Variants in EML5 observed in about 807,000 individuals in gnomAD.
EML5 encodes echinoderm microtubule-associated protein-like 5.
EML5 carries 120 observed loss-of-function variants against 250.0 expected under a neutral mutation model. The ratio of observed to expected loss-of-function variants is 0.48; its 90% CI spans 0.41 to 0.56. The LOEUF (loss-of-function observed/expected upper bound fraction) is 0.56. Among genes scored for constraint, EML5 ranks in the 20% least tolerant of loss-of-function variants. EML5 has a pLI of 0.00. For synonymous variants in EML5, 771 were observed against 806.5 expected (o/e 0.96, Z 0.75); for missense variants, 2,006 against 2,437.6 (o/e 0.82, Z 3.73).
intron 7 of EML5, among the ~76,000 whole-genome samples, chr14:88,729,737 T>C (rs2093724216): frequency 6.6e-6 from 1 of 152,094 alleles, no homozygotes; most frequent in South Asian, 2.1e-4. Flanking sequence ...ATTTTTGTAT[T>C]TTTAGTAGAG....
chr14:88,710,838 T>G (rs560001744), intron 10 of EML5, among the ~76,000 whole-genome samples: 1 of 152,340 alleles, frequency 6.6e-6, no homozygotes, highest in African/African-American at 2.4e-5. Flanking sequence ...TTTCTTAGGC[T>G]TTGGTAAAAT....
intron 17 of EML5, among the ~76,000 whole-genome samples, chr14:88,692,421 CT>C (rs974565549): frequency 3.9e-5 from 6 of 152,240 alleles, no homozygotes; most frequent in African/African-American, 1.2e-4. Flanking sequence ...TACATACAGA[CT>C]TTTTTTCCTT....
intron 1 of EML5, among the ~76,000 whole-genome samples, chr14:88,780,798 C>T (rs970783650): frequency 4.6e-5 from 7 of 152,254 alleles, no homozygotes; most frequent in Middle Eastern, 3.4e-3. Flanking sequence ...TGGTCTCGAT[C>T]TCTTGACCTC....
chr14:88,764,929 T>C (rs1212762444), intron 1 of EML5, among the ~76,000 whole-genome samples: 1 of 152,226 alleles, frequency 6.6e-6, no homozygotes, highest in Non-Finnish European at 1.5e-5. Context: ...ATATATAGCC[T>C]ATTTTGGTAA....
chr14:88,697,963 C>G (rs146908042), intron 14 of EML5, among the ~76,000 whole-genome samples: 2,364 of 152,122 alleles, frequency 0.016, 20 homozygotes, highest in Middle Eastern at 0.048. Flanking sequence ...TCTCAAACTC[C>G]CGACCTCAGG....
intron 13 of EML5, 101 bp downstream of exon 13, chr14:88,704,759 T>C (rs978058380): frequency 2.1e-5 from 17 of 799,668 alleles, no homozygotes; most frequent in South Asian, 1.2e-4. Flanking sequence ...CTTTCGGATA[T>C]GTCATTTCAG....
chr14:88,781,843 C>G (rs1051289787), intron 1 of EML5, among the ~76,000 whole-genome samples: 1 of 152,222 alleles, frequency 6.6e-6, no homozygotes, highest in South Asian at 2.1e-4. Flanking sequence ...GTCAATTAAA[C>G]CTCTTTCCTT....
intron 5 of EML5, among the ~76,000 whole-genome samples, chr14:88,739,335 G>A (rs1019607170): frequency 2.0e-5 from 3 of 152,106 alleles, no homozygotes; most frequent in Admixed American, 1.3e-4. Flanking sequence ...CCATAGATAG[G>A]GAGGGCTTTA....
chr14:88,665,191 G>C, intron 22 of EML5, 146 bp downstream of exon 22: 1 of 817,440 alleles, frequency 1.2e-6, no homozygotes, highest in Non-Finnish European at 1.8e-6. Flanking sequence ...TCTAACAACA[G>C]GGCTTTTACC....
chr14:88,620,661 G>A lies in EML5; in HGVS notation c.5375+93C>T, dbSNP rs1159952756. ...ATACGGGAAATGCTACAGGCCCTGG[G>A]GACCTCTTTTTGAAGGCAAGGCTAT... On this transcript the variant is annotated intron_variant, in intron 39 of 43. Transcript: ENST00000554922. The surrounding 1 kb of genome is among the most constrained non-coding windows in gnomAD (Gnocchi z 4.3). 2.9e-6 allele frequency: 3 copies of A among 1,048,372 alleles called. No individual in the cohort carries two copies. Among genetic ancestry groups the A allele is most frequent in the South Asian group, 2.3e-5 (1 of 42,760 alleles). 64.9% of individuals were successfully genotyped at this position (1,048,372 alleles called of 1,614,324 possible).
intron 8 of EML5, among the ~76,000 whole-genome samples, chr14:88,724,114 C>A (rs1443377729): frequency 7.6e-5 from 11 of 145,216 alleles, no homozygotes; most frequent in Admixed American, 1.4e-4. Context: ...ACTAAAAATA[C>A]AAAAAAAAAA....
intron 1 of EML5, among the ~76,000 whole-genome samples, chr14:88,773,944 C>T (rs1178533938): frequency 2.6e-5 from 4 of 152,034 alleles, no homozygotes; most frequent in Non-Finnish European, 5.9e-5. Flanking sequence ...CATGGTAAAA[C>T]CCCACCTCTA....
intron 1 of EML5, among the ~76,000 whole-genome samples, chr14:88,772,525 C>T (rs887394673): frequency 2.0e-5 from 3 of 152,172 alleles, no homozygotes; most frequent in African/African-American, 7.2e-5. Flanking sequence ...GAGGCTGAGG[C>T]AGGCAGATCA....
intron 21 of EML5, among the ~76,000 whole-genome samples, chr14:88,670,681 A>G (rs527957265): frequency 1.9e-4 from 29 of 152,330 alleles, no homozygotes; most frequent in African/African-American, 6.7e-4. Context: ...ATAAAACATT[A>G]CAGGAGCTGT....
intron 7 of EML5, 68 bp downstream of exon 7, chr14:88,736,296 G>T: frequency 6.4e-7 from 1 of 1,556,966 alleles, no homozygotes; most frequent in Non-Finnish European, 8.8e-7. Context: ...ACAGTGCCTG[G>T]CCATGTTTTC....
At chr14:88,627,103 C>T (rs2090030685) in intron 34 of EML5, 57 bp from the exon 35 acceptor site, 1 of 1,552,924 alleles carries the variant, frequency 6.4e-7, no homozygotes, top group African/African-American at 1.4e-5. Flanking sequence ...TAATCAACAG[C>T]ATCAAACAAA....
intron 1 of EML5, among the ~76,000 whole-genome samples, chr14:88,764,151 C>T (rs2094288969): frequency 6.6e-6 from 1 of 152,140 alleles, no homozygotes; most frequent in South Asian, 2.1e-4. Context: ...TGCTTATTAG[C>T]TTATTTTGTT....
chr14:88,626,815 T>G (rs923243070), intron 35 of EML5, 23 bp downstream of exon 35: 1 of 1,611,750 alleles, frequency 6.2e-7, no homozygotes. Context: ...AAAGTCACAC[T>G]ATGTGCATTT....
At chr14:88,623,659 A>C (rs1271755132) in intron 36 of EML5, 1 of 150,812 alleles carries the variant, frequency 6.6e-6, no homozygotes, top group Non-Finnish European at 1.5e-5. Flanking sequence ...TGATCCGCCC[A>C]CCTCGGCCTC....
Sources: gnomAD v4.1 joint callset for allele counts (sites outside exome capture counted in the v4.1 genomes callset) on GRCh38, gnomAD v4.1.1 for gene constraint, Gnocchi (gnomAD v3.1) non-coding constraint, MANE v1.5 for transcripts, NCBI Gene and HGNC (gene_info 2026-07-23, HGNC 2026-07-21) for gene names.